Variants in JAKMIP2 observed in about 807,000 individuals in gnomAD.
The protein encoded by JAKMIP2 is janus kinase and microtubule-interacting protein 2.
Under a neutral mutation model 115.0 loss-of-function variants are expected in JAKMIP2, and 25 were observed. The observed-to-expected ratio is 0.22, with a 90% CI of 0.16 to 0.30. The LOEUF (loss-of-function observed/expected upper bound fraction) is 0.30. JAKMIP2 is among the 10% of genes least tolerant of loss of function. The pLI, the probability that JAKMIP2 is intolerant of heterozygous loss-of-function variation, is 1.00. For missense variants in JAKMIP2, 642 were observed against 957.6 expected (o/e 0.67, Z 4.35); for synonymous variants, 334 against 343.6 (o/e 0.97, Z 0.31).
At chr5:147,706,129 G>A (rs1233491398) in intron 1 of JAKMIP2, among the ~76,000 whole-genome samples, 1 of 152,162 alleles carries the variant, frequency 6.6e-6, no homozygotes, top group Non-Finnish European at 1.5e-5. Context: ...TAGTGGAATA[G>A]CTCTACAGTG....
chr5:147,770,543 C>T (rs958156895), intron 1 of JAKMIP2, among the ~76,000 whole-genome samples: 2 of 151,994 alleles, frequency 1.3e-5, no homozygotes, highest in Non-Finnish European at 2.9e-5. Context: ...AACAAAAAAG[C>T]CTCGAGTTGC....
intron 1 of JAKMIP2, among the ~76,000 whole-genome samples, chr5:147,684,120 G>T (rs1760454304): frequency 6.6e-6 from 1 of 152,104 alleles, no homozygotes; most frequent in Admixed American, 6.6e-5. Context: ...CCGTTAGGTT[G>T]ACTAATGGAA....
intron 2 of JAKMIP2, among the ~76,000 whole-genome samples, chr5:147,667,503 G>A (rs1317344184): frequency 1.3e-5 from 2 of 152,170 alleles, no homozygotes; most frequent in East Asian, 3.9e-4. Context: ...TCAAAGGTAA[G>A]GAAAAGGTTG....
intron 21 of JAKMIP2, chr5:147,594,583 C>T (rs1274731092): frequency 5.8e-5 from 18 of 312,796 alleles, no homozygotes; most frequent in Non-Finnish European, 1.2e-4. Flanking sequence ...ATCCACCTGC[C>T]TCAGCCTCTC....
At chr5:147,651,748 G>T (rs17107069) in intron 3 of JAKMIP2, among the ~76,000 whole-genome samples, 11,084 of 152,044 alleles carry the variant, frequency 0.073, 605 homozygotes, top group East Asian at 0.22. Context: ...GAGAGCTTTG[G>T]GCTAAATTCT....
intron 1 of JAKMIP2, among the ~76,000 whole-genome samples, chr5:147,733,427 C>T (rs1182248091): frequency 6.6e-6 from 1 of 152,180 alleles, no homozygotes; most frequent in African/African-American, 2.4e-5. Context: ...TGGTCAGGCA[C>T]TTCACTCACC....
At chr5:147,681,405 C>T (rs2126833124) in intron 1 of JAKMIP2, among the ~76,000 whole-genome samples, 1 of 152,298 alleles carries the variant, frequency 6.6e-6, no homozygotes, top group South Asian at 2.1e-4. Context: ...CTCCATCCTA[C>T]TCATCTTTTA....
At chr5:147,732,953 G>T (rs558312867) in intron 1 of JAKMIP2, among the ~76,000 whole-genome samples, 25 of 152,282 alleles carry the variant, frequency 1.6e-4, no homozygotes, top group Admixed American at 1.3e-3. Flanking sequence ...CACCTTCAAA[G>T]AAATATCCAA....
At chr5:147,635,865 T>C (rs1757587596) in intron 12 of JAKMIP2, among the ~76,000 whole-genome samples, 2 of 152,138 alleles carry the variant, frequency 1.3e-5, no homozygotes, top group African/African-American at 4.8e-5. Context: ...CTGGCCCTCA[T>C]AGAGGTTTTG....
intron 1 of JAKMIP2, among the ~76,000 whole-genome samples, chr5:147,763,234 G>C (rs1037171997): frequency 6.6e-6 from 1 of 152,052 alleles, no homozygotes; most frequent in African/African-American, 2.4e-5. Flanking sequence ...AGTTCAGACT[G>C]TTCAGACAGT....
At chr5:147,658,307 TC>T (rs1295419150) in intron 3 of JAKMIP2, among the ~76,000 whole-genome samples, 4 of 152,214 alleles carry the variant, frequency 2.6e-5, no homozygotes, top group African/African-American at 9.6e-5. Flanking sequence ...GGAGGTCTAT[TC>T]CAGACCCTTA....
At chr5:147,691,565 C>T (rs1751861514) in intron 1 of JAKMIP2, among the ~76,000 whole-genome samples, 1 of 152,200 alleles carries the variant, frequency 6.6e-6, no homozygotes, top group African/African-American at 2.4e-5. Context: ...TTACCCAAGG[C>T]TGCACAAAGC....
At chr5:147,765,863 T>C (rs1327815019) in intron 1 of JAKMIP2, among the ~76,000 whole-genome samples, 4 of 152,166 alleles carry the variant, frequency 2.6e-5, no homozygotes, top group Admixed American at 6.5e-5. Context: ...ACATTTTCAT[T>C]GAATATATTC....
intron 21 of JAKMIP2, among the ~76,000 whole-genome samples, chr5:147,593,291 T>C (rs1277261475): frequency 6.6e-6 from 1 of 152,230 alleles, no homozygotes; most frequent in African/African-American, 2.4e-5. Context: ...AATAGGGCAG[T>C]GGGCATCCCC....
chr5:147,639,689 T>C lies in JAKMIP2; in HGVS notation c.1473A>G (p.Ala491=), dbSNP rs1447733490. ...LTKEYQALQR[A]YALLQEQTGG... Reference sequence around the variant, plus strand: ...CCGTCTGCTCCTGTAGGAGGGCATATGCTCTTTGGAGGGCCTGATATTCTT... The same window carrying C: ...CCGTCTGCTCCTGTAGGAGGGCATACGCTCTTTGGAGGGCCTGATATTCTT... The change falls in exon 10 of 22, where the codon GCA becomes GCG. Residue 491 remains alanine, a synonymous_variant. Coordinates refer to ENST00000616793, the MANE Select transcript of JAKMIP2 (RefSeq NM_001270941.2). 4.3e-6 allele frequency: 7 copies of C among 1,614,048 alleles called. No individual in the cohort carries two copies. The highest frequency in any genetic ancestry group is 1.1e-5 in the South Asian group (1 of 91,072).
intron 2 of JAKMIP2, among the ~76,000 whole-genome samples, chr5:147,671,321 T>C (rs1456146505): frequency 6.6e-6 from 1 of 152,200 alleles, no homozygotes; most frequent in Non-Finnish European, 1.5e-5. Context: ...CTGAATGCTC[T>C]GGGAGTTAAT....
chr5:147,734,193 A>T (rs1753834305), intron 1 of JAKMIP2, among the ~76,000 whole-genome samples: 1 of 152,180 alleles, frequency 6.6e-6, no homozygotes, highest in Admixed American at 6.5e-5. Context: ...TGCAAATCAA[A>T]ACCACAATGA....
intron 1 of JAKMIP2, among the ~76,000 whole-genome samples, chr5:147,731,620 C>G (rs1240285746): frequency 2.6e-5 from 4 of 152,130 alleles, no homozygotes; most frequent in Non-Finnish European, 4.4e-5. Context: ...ATGCCTTATT[C>G]TTTTTATCTA....
chr5:147,733,940 T>C (rs1409193719), intron 1 of JAKMIP2, among the ~76,000 whole-genome samples: 1 of 152,154 alleles, frequency 6.6e-6, no homozygotes, highest in Admixed American at 6.5e-5. Context: ...TGCAGGTGTC[T>C]TTATAGTAAG....
Sources: allele counts gnomAD v4.1 joint callset (sites outside exome capture counted in the v4.1 genomes callset), GRCh38; gene constraint gnomAD v4.1.1; transcripts MANE v1.5; gene names NCBI Gene and HGNC (gene_info 2026-07-23, HGNC 2026-07-21).